Variants in PIEZO2 observed in about 807,000 individuals in gnomAD.
PIEZO2 encodes piezo type mechanosensitive ion channel component 2, also known as piezo-type mechanosensitive ion channel component 2.
In PIEZO2, 172 loss-of-function variants were observed where a neutral mutation model predicts 337.3. The ratio of observed to expected loss-of-function variants is 0.51; its 90% CI spans 0.45 to 0.58. The LOEUF (loss-of-function observed/expected upper bound fraction) is 0.58, where lower values mean the gene tolerates loss of function less well. PIEZO2 is among the 20% of genes least tolerant of loss of function. The probability of loss-of-function intolerance (pLI) is 0.00; values close to 1 mark genes in which losing one functional copy is unlikely to be tolerated. For synonymous variants in PIEZO2, 1,251 were observed against 1,228.5 expected, an observed-to-expected ratio of 1.02 and a Z score of -0.38; for missense variants, 3,028 against 3,391.3, an observed-to-expected ratio of 0.89 and a Z score of 2.66.
chr18:10,704,461 A>G lies in PIEZO2; in HGVS notation c.6191T>C (p.Leu2064Pro). ...CCTGGGGACGGACAACATGGCCCAG[A>G]GGAAGATGAGGATGGGAAGCAGGAG... ...ITLLLPILIF[L>P]WAMLSVPRPS... Residue 2064 changes from leucine (L) to proline (P), a missense_variant, in exon 42 of 56, where the codon CTC becomes CCC. Leu to Pro is a moderately conservative substitution (Grantham distance 98, BLOSUM62 -3). Transcript: ENST00000674853. 1 of 1,537,230 alleles carries G rather than the reference A, an allele frequency of 6.5e-7. No homozygotes were observed. Among genetic ancestry groups the G allele is most frequent in the Non-Finnish European group, 8.7e-7 (1 of 1,146,908 alleles).
In PIEZO2 at chr18:11,031,880, T is replaced by G. The variant is rs2036750667; in HGVS notation, c.160+34247A>C. On this transcript the variant is annotated intron_variant, in intron 2 of 55. Coordinates refer to ENST00000674853, the MANE Select transcript of PIEZO2 (RefSeq NM_001378183.1). The surrounding 1 kb of genome is among the most constrained non-coding windows in gnomAD (Gnocchi z 4.7). ...TTTAATATTTTATAATCCATTTGGC[T>G]GCTGAATATTAGCCCAACCCTTTAT... is the stretch of plus-strand genomic sequence containing the variant. Among the ~76,000 whole-genome samples, 1 of 152,220 alleles carries G rather than the reference T, an allele frequency of 6.6e-6. No homozygotes were observed. The highest frequency in any genetic ancestry group is 2.4e-5 in the African/African-American group (1 of 41,436).
At chr18:10,963,921 GA>G (rs1157177435) in intron 3 of PIEZO2, among the ~76,000 whole-genome samples, 3 of 152,176 alleles carry the variant, frequency 2.0e-5, no homozygotes, top group African/African-American at 7.2e-5. Context: ...AGGAATGTGG[GA>G]GGGGGGAGTA....
At chr18:10,683,528 C>T (rs915791408) in intron 49 of PIEZO2, among the ~76,000 whole-genome samples, 1 of 152,222 alleles carries the variant, frequency 6.6e-6, no homozygotes, top group Non-Finnish European at 1.5e-5. Context: ...TTTTCAACAG[C>T]ATCAAATATG....
Position 10,943,872 on chromosome 18 carries a change from A to G in PIEZO2, c.287-32644T>C, listed in dbSNP as rs1405828583. 2.0e-5 allele frequency among the ~76,000 whole-genome samples: 3 copies of G among 152,174 alleles called. No homozygotes were observed. The East Asian group carries it at 5.8e-4, about 29-fold the overall frequency. On this transcript the variant is annotated intron_variant, in intron 3 of 55. Transcript: ENST00000674853. The surrounding 1 kb of genome is among the most constrained non-coding windows in gnomAD (Gnocchi z 4.5). ...AAGTCTTTCCAGTGCTGTTCTCATG[A>G]TAGTGAATGGGTCTCACGAGATCTG...
At position 10,773,786 on chromosome 18, in the gene PIEZO2, G is replaced by A. The variant is rs77219694; in HGVS notation, c.2568-157C>T. 6.6e-6 allele frequency among the ~76,000 whole-genome samples: 1 copy of A among 152,154 alleles called. No homozygotes were observed. Among genetic ancestry groups the A allele is most frequent in the Non-Finnish European group, 1.5e-5 (1 of 68,026 alleles). ...GCGTTTTGTCACTTTCTTTTTGGTT[G>A]GTTTGTTTGTTTTAAGTTCTTTCTA... On this transcript the variant is annotated intron_variant, in intron 19 of 55. Transcript: ENST00000674853. The surrounding 1 kb of genome is among the most constrained non-coding windows in gnomAD (Gnocchi z 5.3).
chr18:10,919,264 T>C (rs1156485257), intron 3 of PIEZO2, among the ~76,000 whole-genome samples: 1 of 152,144 alleles, frequency 6.6e-6, no homozygotes, highest in Non-Finnish European at 1.5e-5. Flanking sequence ...ATATGGCATA[T>C]CTGCAGCCAA....
In PIEZO2 at chr18:10,787,134, C is replaced by T; in HGVS notation, c.2220G>A (p.Val740=). Residue 740 remains valine (V), a synonymous_variant, in exon 16 of 56, where the codon GTG becomes GTA. Transcript: ENST00000674853. ...RKILKYFWMS[V]VIYTMLVLIF... The stretch of plus-strand genomic sequence containing the variant: ...TAAGCACCAGCATAGTGTAAATAAC[C>T]ACTGACATCCAAAAATATTTTAGAA... 1 of 1,533,290 alleles carries T rather than the reference C, an allele frequency of 6.5e-7. No individual in the cohort carries two copies. Among genetic ancestry groups the T allele is most frequent in the South Asian group, 1.2e-5 (1 of 83,254 alleles). 95.0% of individuals were successfully genotyped at this position (1,533,290 alleles called of 1,614,324 possible). A position where few individuals can be genotyped will look rare whatever the true frequency, so the allele number is the denominator to read the frequency against.
intron 30 of PIEZO2, among the ~76,000 whole-genome samples, chr18:10,747,731 G>C (rs903023965): frequency 6.6e-6 from 1 of 152,196 alleles, no homozygotes; most frequent in African/African-American, 2.4e-5. Context: ...TATCATGGCA[G>C]GGAAAGAGAA....
intron 1 of PIEZO2, among the ~76,000 whole-genome samples, chr18:11,133,785 C>T (rs2040404913): frequency 6.9e-6 from 1 of 145,902 alleles, no homozygotes; most frequent in African/African-American, 2.5e-5. Context: ...ACTTAATAAA[C>T]TCCTCTCTCT....
At chr18:10,791,548 C>T (rs1005315383) in intron 13 of PIEZO2, 14 of 345,084 alleles carry the variant, frequency 4.1e-5, no homozygotes, top group East Asian at 7.2e-5. Context: ...AGAAGCACCA[C>T]GCAAGTCCTG....
At chr18:11,015,677 G>A (rs1316060293) in intron 2 of PIEZO2, among the ~76,000 whole-genome samples, 1 of 152,114 alleles carries the variant, frequency 6.6e-6, no homozygotes, top group Non-Finnish European at 1.5e-5. Context: ...TGACTGTGAG[G>A]GAAGGGACAC....
In PIEZO2 at chr18:11,035,125, G is replaced by A. The variant is rs2036879241; in HGVS notation, c.160+31002C>T. Among the ~76,000 whole-genome samples, 2 of 152,058 alleles carry A rather than the reference G, an allele frequency of 1.3e-5. No individual in the cohort carries two copies. The highest frequency in any genetic ancestry group is 2.1e-4 in the South Asian group (1 of 4,820). On this transcript the variant is annotated intron_variant, in intron 2 of 55. Coordinates refer to ENST00000674853, the MANE Select transcript of PIEZO2 (RefSeq NM_001378183.1). This position sits in a 1 kb window ranked among gnomAD's most constrained non-coding sequence, Gnocchi z 4.3. ...GTGTGTAGAAGGGGATGGAGCTGAG[G>A]GCTGCTTCTGACTCCTGAGATGGTT...
intron 33 of PIEZO2, 172 bp downstream of exon 33, chr18:10,740,859 A>T: frequency 1.4e-6 from 1 of 722,020 alleles, no homozygotes; most frequent in African/African-American, 1.7e-5. Flanking sequence ...GAAGAATTGG[A>T]CCCCGGGCTC....
intron 1 of PIEZO2, among the ~76,000 whole-genome samples, chr18:11,113,103 T>C (rs1363722849): frequency 6.6e-6 from 1 of 152,172 alleles, no homozygotes; most frequent in Non-Finnish European, 1.5e-5. Flanking sequence ...AAAGGGGCAA[T>C]GTTGAACTTG....
At chr18:10,818,032 A>G (rs2040415066) in intron 7 of PIEZO2, among the ~76,000 whole-genome samples, 1 of 152,056 alleles carries the variant, frequency 6.6e-6, no homozygotes, top group Non-Finnish European at 1.5e-5. Flanking sequence ...TAAATAAAGT[A>G]TATACTTTTT....
At chr18:11,106,482 A>G (rs372773182) in intron 1 of PIEZO2, among the ~76,000 whole-genome samples, 28 of 142,562 alleles carry the variant, frequency 2.0e-4, no homozygotes, top group South Asian at 1.8e-3. Context: ...ATCATAGCTC[A>G]TTGTAACCGT....
chr18:10,835,162 A>G (rs897709553), intron 7 of PIEZO2, among the ~76,000 whole-genome samples: 2 of 152,204 alleles, frequency 1.3e-5, no homozygotes, highest in East Asian at 1.9e-4. Flanking sequence ...TCCAGCCTCC[A>G]GAATTATGAG....
At chr18:10,733,736 C>A (rs1447388322) in intron 35 of PIEZO2, among the ~76,000 whole-genome samples, 3 of 152,212 alleles carry the variant, frequency 2.0e-5, no homozygotes, top group Non-Finnish European at 4.4e-5. Flanking sequence ...GCGTGAGCCA[C>A]AGCGCCCAGC....
rs116768768 is a variant in PIEZO2 at position 11,125,545 on chromosome 18, A to T, written c.64+22980T>A. Among the ~76,000 whole-genome samples the T allele has an allele frequency of 6.6e-6, 1 of 152,200 alleles. No individual in the cohort carries two copies. The highest frequency in any genetic ancestry group is 6.5e-5 in the Admixed American group (1 of 15,288). On this transcript the variant is annotated intron_variant, in intron 1 of 55. Transcript: ENST00000674853. The surrounding 1 kb of genome is among the most constrained non-coding windows in gnomAD (Gnocchi z 4.4). ...CGTTGTTGGATTGTTTCCTCAATAC[A>T]TCTGCGGAAACCAAGACACACTCCA...
Sources: gnomAD v4.1 joint callset for allele counts (sites outside exome capture counted in the v4.1 genomes callset) on GRCh38, gnomAD v4.1.1 for gene constraint, Gnocchi (gnomAD v3.1) non-coding constraint, MANE v1.5 for transcripts, NCBI Gene and HGNC (gene_info 2026-07-23, HGNC 2026-07-21) for gene names.